The following TBC1D5 variants were observed in gnomAD, a reference collection of about 807,000 sequenced individuals.
TBC1D5 encodes TBC1 domain family, member 5.
Under a neutral mutation model 100.3 loss-of-function variants are expected in TBC1D5, and 75 were observed. The observed-to-expected ratio is 0.75, with a 90% CI of 0.62 to 0.91. The LOEUF is 0.91. Among genes scored for constraint, TBC1D5 ranks in the 40% least tolerant of loss-of-function variants. The pLI is 0.00. For synonymous variants in TBC1D5, 323 were observed against 325.6 expected (o/e 0.99, Z 0.09); for missense variants, 910 against 942.4 (o/e 0.97, Z 0.45).
chr3:17,299,797 T>C (rs1380223059), intron 14 of TBC1D5, among the ~76,000 whole-genome samples: 1 of 142,192 alleles, frequency 7.0e-6, no homozygotes, highest in Non-Finnish European at 1.5e-5. Flanking sequence ...AGGCGGAGCT[T>C]GCAGTGAGCC....
chr3:17,591,720 C>A (rs559524649), intron 2 of TBC1D5, among the ~76,000 whole-genome samples: 1 of 152,290 alleles, frequency 6.6e-6, no homozygotes, highest in African/African-American at 2.4e-5. Context: ...GCTGGCTGAA[C>A]CCCCACATTG....
chr3:17,502,052 T>C (rs1476993273), intron 3 of TBC1D5, among the ~76,000 whole-genome samples: 1 of 149,540 alleles, frequency 6.7e-6, no homozygotes, highest in Non-Finnish European at 1.5e-5. Flanking sequence ...TCCTTTTCTT[T>C]TTCCCTTCTA....
chr3:17,472,430 G>A (rs553285483), intron 3 of TBC1D5, among the ~76,000 whole-genome samples: 3 of 152,092 alleles, frequency 2.0e-5, no homozygotes, highest in South Asian at 4.2e-4. Context: ...CAGCCCAAAG[G>A]GAGATTTTTT....
At chr3:17,657,160 G>A (rs1277369404) in intron 1 of TBC1D5, among the ~76,000 whole-genome samples, 2 of 151,764 alleles carry the variant, frequency 1.3e-5, no homozygotes, top group Non-Finnish European at 2.9e-5. Flanking sequence ...AAAAAACCTG[G>A]AGCATCCACC....
At chr3:17,379,188 C>G (rs1042840933) in intron 9 of TBC1D5, among the ~76,000 whole-genome samples, 13 of 151,342 alleles carry the variant, frequency 8.6e-5, no homozygotes, top group African/African-American at 3.2e-4. Flanking sequence ...CAAAACATTA[C>G]AATTGTTATT....
intron 13 of TBC1D5, among the ~76,000 whole-genome samples, chr3:17,350,092 T>A (rs567194641): frequency 6.6e-6 from 1 of 152,280 alleles, no homozygotes; most frequent in East Asian, 1.9e-4. Flanking sequence ...AAATGGCTCA[T>A]TAGACACTTA....
chr3:17,528,877 T>C (rs2096177417), intron 2 of TBC1D5, among the ~76,000 whole-genome samples: 1 of 152,172 alleles, frequency 6.6e-6, no homozygotes, highest in Non-Finnish European at 1.5e-5. Context: ...AAAAAAATTG[T>C]TCACTTCATC....
chr3:17,724,502 T>C (rs545539843), intron 1 of TBC1D5, among the ~76,000 whole-genome samples: 1 of 152,276 alleles, frequency 6.6e-6, no homozygotes, highest in Non-Finnish European at 1.5e-5. Context: ...CTCAGCTCCT[T>C]TGAAGGTAAT....
intron 16 of TBC1D5, among the ~76,000 whole-genome samples, chr3:17,248,861 C>T (rs1576268347): frequency 6.6e-6 from 1 of 152,256 alleles, no homozygotes; most frequent in East Asian, 1.9e-4. Flanking sequence ...TTCAGTGTAG[C>T]GAGCCCCCTT....
At chr3:17,306,605 T>A (rs981536093) in intron 14 of TBC1D5, among the ~76,000 whole-genome samples, 6 of 152,154 alleles carry the variant, frequency 3.9e-5, no homozygotes, top group Admixed American at 2.6e-4. Flanking sequence ...GGAGACAGGA[T>A]GATTAAATTA....
intron 2 of TBC1D5, among the ~76,000 whole-genome samples, chr3:17,549,577 T>G (rs534097956): frequency 3.4e-4 from 52 of 152,326 alleles, no homozygotes; most frequent in African/African-American, 1.3e-3. Context: ...AGTCATACTA[T>G]AAAATTCAAC....
chr3:17,620,496 C>G (rs1300647579), intron 2 of TBC1D5, among the ~76,000 whole-genome samples: 1 of 152,144 alleles, frequency 6.6e-6, no homozygotes, highest in African/African-American at 2.4e-5. Flanking sequence ...TCTCTACAAA[C>G]TTATATGAGG....
At chr3:17,462,321 AATTT>A (rs2095227799) in intron 3 of TBC1D5, among the ~76,000 whole-genome samples, 1 of 143,028 alleles carries the variant, frequency 7.0e-6, no homozygotes, top group Non-Finnish European at 1.5e-5. Flanking sequence ...TTCGGACCTT[AATTT>A]TTTTTTTTTT....
chr3:17,462,991 A>G (rs1300473982), intron 3 of TBC1D5, among the ~76,000 whole-genome samples: 1 of 152,136 alleles, frequency 6.6e-6, no homozygotes, highest in Non-Finnish European at 1.5e-5. Flanking sequence ...TCAGAAAGCA[A>G]CTCCCTCAGA....
intron 2 of TBC1D5, among the ~76,000 whole-genome samples, chr3:17,622,428 T>G (rs1227184445): frequency 6.6e-6 from 1 of 152,216 alleles, no homozygotes; most frequent in Non-Finnish European, 1.5e-5. Context: ...CAGTACCATT[T>G]ATGCGTAGCA....
chr3:17,163,866 C>T (rs1041624167), intron 21 of TBC1D5, among the ~76,000 whole-genome samples: 5 of 152,112 alleles, frequency 3.3e-5, no homozygotes, highest in South Asian at 2.1e-4. Context: ...TAGATAGATA[C>T]GTGGCTAGTG....
At chr3:17,430,759 T>C (rs973750747) in intron 3 of TBC1D5, among the ~76,000 whole-genome samples, 1 of 151,866 alleles carries the variant, frequency 6.6e-6, no homozygotes, top group Non-Finnish European at 1.5e-5. Context: ...GATCCCAGAC[T>C]CTTATTTTGG....
chr3:17,309,954 T>C (rs926322710), intron 13 of TBC1D5, among the ~76,000 whole-genome samples: 4 of 152,084 alleles, frequency 2.6e-5, no homozygotes, highest in African/African-American at 4.8e-5. Flanking sequence ...ATGAGGAAAG[T>C]AGATGAAGGT....
chr3:17,257,326 ACTGAAGG>A lies in TBC1D5; in HGVS notation c.1331+1173_1331+1179del, dbSNP rs1156332360. Among the ~76,000 whole-genome samples the A allele has an allele frequency of 4.6e-5, 7 of 152,226 alleles. 1 individual carries two copies. The highest frequency in any genetic ancestry group is 3.9e-4 in the Admixed American group (6 of 15,280). Reference sequence around the variant, plus strand: ...ATATAAGTGACTAGGGTGTAAGACTACTGAAGGCAGGGATTTTGGTCTGGGTTTTTAC... The same window carrying A: ...ATATAAGTGACTAGGGTGTAAGACTACAGGGATTTTGGTCTGGGTTTTTAC... On this transcript the variant is annotated intron_variant, in intron 16 of 21. Coordinates refer to ENST00000253692, the Ensembl canonical transcript of TBC1D5.
Sources: gnomAD v4.1 joint callset for allele counts (sites outside exome capture counted in the v4.1 genomes callset) on GRCh38, gnomAD v4.1.1 for gene constraint, MANE v1.5 for transcripts, NCBI Gene and HGNC (gene_info 2026-07-23, HGNC 2026-07-21) for gene names.